The following SPAG9 variants were observed in gnomAD, a reference collection of about 807,000 sequenced individuals.
SPAG9 encodes sperm associated antigen 9.
SPAG9 carries 35 observed loss-of-function variants against 166.5 expected under a neutral mutation model. That is an observed-to-expected ratio of 0.21 (90% CI 0.16 to 0.28). The LOEUF is 0.28. Ranked by LOEUF, SPAG9 falls within the 10% of genes least tolerant of loss-of-function variation. The pLI, the probability that SPAG9 is intolerant of heterozygous loss-of-function variation, is 1.00. For synonymous variants in SPAG9, 534 were observed against 565.5 expected, an observed-to-expected ratio of 0.94 and a Z score of 0.79; for missense variants, 1,235 against 1,603.3, an observed-to-expected ratio of 0.77 and a Z score of 3.92.
chr17:50,987,540 C>T (rs932121141), intron 21 of SPAG9, among the ~76,000 whole-genome samples: 3 of 150,646 alleles, frequency 2.0e-5, no homozygotes, highest in Non-Finnish European at 4.4e-5. Context: ...AAAGAAACCA[C>T]CAAAATTCCA....
intron 2 of SPAG9, among the ~76,000 whole-genome samples, chr17:51,062,379 T>A (rs1362838449): frequency 6.6e-6 from 1 of 152,150 alleles, no homozygotes; most frequent in Admixed American, 6.5e-5. Context: ...CATTATAGTA[T>A]CAAACAAAAT....
intron 1 of SPAG9, among the ~76,000 whole-genome samples, chr17:51,107,846 T>A (rs1410030776): frequency 6.7e-6 from 1 of 150,042 alleles, no homozygotes; most frequent in Non-Finnish European, 1.5e-5. Flanking sequence ...GCCCAGGAGG[T>A]TGAGGCTACA....
intron 29 of SPAG9, among the ~76,000 whole-genome samples, chr17:50,968,406 G>A (rs759382628): frequency 4.6e-5 from 7 of 152,134 alleles, no homozygotes; most frequent in Non-Finnish European, 1.0e-4. Flanking sequence ...GAAGCACTGA[G>A]ATTTTAAGCG....
At chr17:51,090,549 G>C (rs1399516888) in intron 1 of SPAG9, among the ~76,000 whole-genome samples, 1 of 152,112 alleles carries the variant, frequency 6.6e-6, no homozygotes, top group Non-Finnish European at 1.5e-5. Context: ...AACACAACTT[G>C]AGCCCCTATT....
intron 2 of SPAG9, among the ~76,000 whole-genome samples, chr17:51,063,691 C>T (rs1047272118): frequency 2.6e-5 from 4 of 152,100 alleles, no homozygotes; most frequent in Admixed American, 2.0e-4. Context: ...GGAGACCAGC[C>T]TGGCCAACAT....
At chr17:51,046,557 T>G (rs1475809976) in intron 4 of SPAG9, 1 of 1,536,146 alleles carries the variant, frequency 6.5e-7, no homozygotes, top group Non-Finnish European at 8.7e-7. Flanking sequence ...AATAGAAAAG[T>G]GCACAAGCAG....
chr17:51,075,958 G>A (rs8069169), intron 2 of SPAG9, among the ~76,000 whole-genome samples: 3,417 of 151,974 alleles, frequency 0.022, 106 homozygotes, highest in African/African-American at 0.068. Context: ...AGCTGGGGGT[G>A]ATGGCAGGCA....
intron 5 of SPAG9, among the ~76,000 whole-genome samples, chr17:51,040,263 AAGTG>A (rs2046785324): frequency 4.0e-5 from 6 of 151,806 alleles, no homozygotes; most frequent in African/African-American, 1.5e-4. Context: ...AAAAAAAAAA[AAGTG>A]AGAGCGAGCG....
chr17:50,987,080 C>A, intron 22 of SPAG9, 32 bp downstream of exon 22: 1 of 1,575,070 alleles, frequency 6.3e-7, no homozygotes, highest in Non-Finnish European at 8.6e-7. Context: ...AGTAAAACAA[C>A]ATATTCTAAT....
At chr17:51,057,231 G>A (rs2047386450) in intron 2 of SPAG9, among the ~76,000 whole-genome samples, 2 of 152,144 alleles carry the variant, frequency 1.3e-5, no homozygotes, top group Non-Finnish European at 2.9e-5. Context: ...CTGTGGTGAG[G>A]CAGAGGGTGG....
intron 3 of SPAG9, among the ~76,000 whole-genome samples, chr17:51,054,610 G>A (rs1047930734): frequency 2.0e-5 from 3 of 151,056 alleles, no homozygotes; most frequent in African/African-American, 7.3e-5. Context: ...CTAATTTTTC[G>A]TATTTTTAGT....
intron 1 of SPAG9, among the ~76,000 whole-genome samples, chr17:51,110,359 G>A (rs2049071411): frequency 6.6e-6 from 1 of 150,488 alleles, no homozygotes; most frequent in Non-Finnish European, 1.5e-5. Flanking sequence ...GGGTGGTGGT[G>A]GATTTACTGA....
chr17:51,016,990 A>G (rs1430287772), intron 8 of SPAG9, among the ~76,000 whole-genome samples: 1 of 152,264 alleles, frequency 6.6e-6, no homozygotes, highest in Admixed American at 6.5e-5. Flanking sequence ...TTATATAGTC[A>G]TACTGATATA....
At chr17:50,997,518 G>C (rs2044732137) in intron 15 of SPAG9, among the ~76,000 whole-genome samples, 1 of 152,074 alleles carries the variant, frequency 6.6e-6, no homozygotes, top group South Asian at 2.1e-4. Context: ...GGTAAACTTT[G>C]GAGTTATAAG....
intron 9 of SPAG9, among the ~76,000 whole-genome samples, chr17:51,010,578 A>ATAT (rs200072916): frequency 1.4e-3 from 199 of 141,666 alleles, no homozygotes; most frequent in African/African-American, 5.1e-3. Context: ...GAAAAAAAAA[A>ATAT]AAAAATATAT....
intron 3 of SPAG9, among the ~76,000 whole-genome samples, chr17:51,053,879 A>G (rs1280850697): frequency 9.4e-6 from 1 of 106,508 alleles, no homozygotes; most frequent in African/African-American, 4.9e-5. Flanking sequence ...ATATATATAT[A>G]TATATATATA....
At chr17:50,967,135 A>C (rs1229682554) in intron 29 of SPAG9, among the ~76,000 whole-genome samples, 1 of 152,218 alleles carries the variant, frequency 6.6e-6, no homozygotes, top group Non-Finnish European at 1.5e-5. Context: ...ACTCCTCTCC[A>C]TAAGACCCAG....
intron 3 of SPAG9, among the ~76,000 whole-genome samples, chr17:51,055,287 A>T (rs1171061939): frequency 1.3e-5 from 2 of 152,106 alleles, no homozygotes; most frequent in Admixed American, 1.3e-4. Flanking sequence ...CAGGAGATGG[A>T]GGTTGCAGTG....
rs751926924 is a variant in SPAG9, at chr17:50,989,679, C to T, written c.2811G>A (p.Ser937=). The change falls in exon 21 of 30, where the codon TCG becomes TCA. Residue 937 remains serine (S), a splice_region_variant and synonymous_variant. Coordinates refer to ENST00000262013, the MANE Select transcript of SPAG9 (RefSeq NM_001130528.3). ...IPEDLSPVYQ[S]SNDSDAYKDQ... is the part of the protein sequence containing the mutation. The stretch of plus-strand genomic sequence containing the variant: ...AAGTTGATGACCCATTATTATACCT[C>T]GACTGATACACTGGGGAGAGGTCTT... The T allele has an allele frequency of 5.6e-6, 9 of 1,613,752 alleles. No individual in the cohort carries two copies. The highest frequency in any genetic ancestry group is 2.2e-5 in the South Asian group (2 of 91,060).
Sources: gnomAD v4.1 joint callset for allele counts (sites outside exome capture counted in the v4.1 genomes callset) on GRCh38, gnomAD v4.1.1 for gene constraint, MANE v1.5 for transcripts, NCBI Gene and HGNC (gene_info 2026-07-23, HGNC 2026-07-21) for gene names.